The following LGSN variants were observed in gnomAD, a reference collection of about 807,000 sequenced individuals.
The protein encoded by LGSN is lengsin, lens protein with glutamine synthetase domain.
Under a neutral mutation model 19.5 loss-of-function variants are expected in LGSN, and 21 were observed. The ratio of observed to expected loss-of-function variants is 1.07; its 90% CI spans 0.76 to 1.55. The LOEUF is 1.55. Ranked by LOEUF, LGSN falls within the 40% of genes most tolerant of loss-of-function variation. The pLI, the probability that LGSN is intolerant of heterozygous loss-of-function variation, is 0.00. For synonymous variants in LGSN, 257 were observed against 215.6 expected (o/e 1.19, Z -1.68); for missense variants, 673 against 608.5 (o/e 1.11, Z -1.12).
chr6:63,403,899 G>A, the LGSN span, among the ~76,000 whole-genome samples: 29 of 152,144 alleles, frequency 1.9e-4, no homozygotes, highest in African/African-American at 6.7e-4. Context: ...TGAGATACAC[G>A]TGTTTACATG....
At position 63,285,625 on chromosome 6, in the gene LGSN, C is replaced by A; in HGVS notation, c.292G>T (p.Val98Leu). The change falls in exon 3 of 4, where the codon GTG becomes TTG. Residue 98 changes from valine (V) to leucine (L), a missense_variant. By Grantham distance (32) the Val-to-Leu change is conservative. Coordinates refer to ENST00000370657, the MANE Select transcript of LGSN (RefSeq NM_016571.3). Reference protein sequence around the residue: ...VRFEATDLHGVSRSKTIPAHF... With the variant: ...VRFEATDLHGLSRSKTIPAHF... The stretch of plus-strand genomic sequence containing the variant: ...GCAGGGATAGTCTTAGACCTGGACA[C>A]GCCGTGGAGGTCTGTTGCTTCAAAT... 1.2e-6 allele frequency: 2 copies of A among 1,614,016 alleles called. No individual in the cohort carries two copies. The highest frequency in any genetic ancestry group is 8.5e-7 in the Non-Finnish European group (1 of 1,179,938).
At chr6:63,524,300 A>T in the LGSN span, among the ~76,000 whole-genome samples, 1 of 152,080 alleles carries the variant, frequency 6.6e-6, no homozygotes, top group Non-Finnish European at 1.5e-5. Flanking sequence ...TAGGCTTTTA[A>T]TCTAGCTTAT....
At chr6:63,423,897 G>A in the LGSN span, among the ~76,000 whole-genome samples, 2 of 151,974 alleles carry the variant, frequency 1.3e-5, no homozygotes, top group Admixed American at 6.6e-5. Context: ...AAAATTAGCC[G>A]GGCATGGTGG....
At chr6:63,432,113 GAAAGAAAGAAA>G in the LGSN span, among the ~76,000 whole-genome samples, 12 of 88,116 alleles carry the variant, frequency 1.4e-4, no homozygotes, top group South Asian at 2.6e-3. Flanking sequence ...AAGAAAGAAA[GAAAGAAAGAAA>G]GAAAGAAAGA....
the LGSN span, among the ~76,000 whole-genome samples, chr6:63,440,590 T>A: frequency 2.0e-5 from 3 of 152,226 alleles, no homozygotes; most frequent in Non-Finnish European, 1.5e-5. Flanking sequence ...TGCCTGTTTC[T>A]CCTTTCCCTA....
the LGSN span, among the ~76,000 whole-genome samples, chr6:63,452,582 TA>T: frequency 3.3e-5 from 5 of 152,104 alleles, no homozygotes; most frequent in African/African-American, 7.2e-5. Context: ...ATAATATATT[TA>T]TTTTTTTTAA....
At chr6:63,288,001 G>A (rs1249558065) in intron 2 of LGSN, among the ~76,000 whole-genome samples, 1 of 151,858 alleles carries the variant, frequency 6.6e-6, no homozygotes, top group East Asian at 1.9e-4. Context: ...GGATCACGAG[G>A]TCAGGAGTTC....
the LGSN span, among the ~76,000 whole-genome samples, chr6:63,340,445 T>C: frequency 6.6e-6 from 1 of 152,164 alleles, no homozygotes; most frequent in Non-Finnish European, 1.5e-5. Flanking sequence ...ACATAGGCTT[T>C]CTTCATTCTT....
the LGSN span, among the ~76,000 whole-genome samples, chr6:63,398,729 G>A: frequency 3.3e-5 from 5 of 152,078 alleles, no homozygotes; most frequent in Non-Finnish European, 7.4e-5. Flanking sequence ...TAGCAGTATC[G>A]TAGACTTTCA....
chr6:63,294,768 T>C, intron 2 of LGSN, 145 bp downstream of exon 2: 1 of 743,360 alleles, frequency 1.3e-6, no homozygotes, highest in Admixed American at 2.6e-5. Context: ...ATATTTGCCA[T>C]CTTTTATGAC....
rs116328317 is a variant in LGSN, at chr6:63,305,710, C to G, written c.31-10665G>C. On this transcript the variant is annotated intron_variant, in intron 1 of 3. Transcript: ENST00000370657. ...TTTTGGTTCTCAGGGAGGCCCAATT[C>G]TCAAATCATTCTTTGCTCAATCAAA... 2.9e-3 allele frequency among the ~76,000 whole-genome samples: 448 copies of G among 152,266 alleles called. 3 individuals carry two copies. Among genetic ancestry groups the G allele is most frequent in the African/African-American group, 0.01 (424 of 41,564 alleles).
In LGSN at chr6:63,276,524, T is replaced by C. The variant is rs1288219473; in HGVS notation, c.*3497A>G. The C allele has an allele frequency of 2.6e-5, 4 of 152,210 alleles. No homozygotes were observed. The highest frequency in any genetic ancestry group is 1.9e-4 in the East Asian group (1 of 5,200). The allele number at this position is 152,210 out of a possible 1,614,324, so 9.4% of individuals were successfully genotyped here. A position where few individuals can be genotyped will look rare whatever the true frequency, so the allele number is the denominator to read the frequency against. ...CCCTAAGCTTTGATTAGAACAATTA[T>C]AGTAAATGAAAATAAGAAAGCAATT... is the stretch of plus-strand genomic sequence containing the variant. On this transcript the variant is annotated 3_prime_UTR_variant, in exon 4 of 4. Transcript: ENST00000370657.
chr6:63,365,590 G>C, the LGSN span, among the ~76,000 whole-genome samples: 1 of 146,298 alleles, frequency 6.8e-6, no homozygotes, highest in African/African-American at 2.8e-5. Context: ...CATTTTATGA[G>C]GCCAGCATCA....
the LGSN span, among the ~76,000 whole-genome samples, chr6:63,406,369 A>G: frequency 3.9e-5 from 6 of 152,162 alleles, no homozygotes; most frequent in Admixed American, 3.3e-4. Flanking sequence ...CAGGATTAAG[A>G]AACTCACTCA....
At chr6:63,301,742 G>A (rs954896536) in intron 1 of LGSN, among the ~76,000 whole-genome samples, 5 of 152,112 alleles carry the variant, frequency 3.3e-5, no homozygotes, top group African/African-American at 9.7e-5. Flanking sequence ...TCCACCTTTT[G>A]AGTAAAATGC....
the LGSN span, among the ~76,000 whole-genome samples, chr6:63,436,316 G>A: frequency 6.6e-6 from 1 of 152,128 alleles, no homozygotes; most frequent in Non-Finnish European, 1.5e-5. Context: ...TGGCCAGCCT[G>A]GTTTCAATCT....
chr6:63,498,621 A>T, the LGSN span, among the ~76,000 whole-genome samples: 1 of 152,142 alleles, frequency 6.6e-6, no homozygotes, highest in Non-Finnish European at 1.5e-5. Flanking sequence ...AAAACTTGTC[A>T]TGTTATCAAA....
chr6:63,313,132 G>C (rs996532943), intron 1 of LGSN, among the ~76,000 whole-genome samples: 2 of 152,078 alleles, frequency 1.3e-5, no homozygotes, highest in African/African-American at 2.4e-5. Context: ...TTTAAATGGT[G>C]CACAGTAAAA....
the LGSN span, among the ~76,000 whole-genome samples, chr6:63,446,665 C>T: frequency 8.5e-5 from 13 of 152,206 alleles, no homozygotes; most frequent in Non-Finnish European, 1.2e-4. Flanking sequence ...AGATTTCTAA[C>T]ATGACCTTGA....
Sources: allele counts gnomAD v4.1 joint callset (sites outside exome capture counted in the v4.1 genomes callset), GRCh38; gene constraint gnomAD v4.1.1; transcripts MANE v1.5; gene names NCBI Gene and HGNC (gene_info 2026-07-23, HGNC 2026-07-21).